HSPG2: variants seen among roughly 807,000 people sequenced by gnomAD.
The protein encoded by HSPG2 is basement membrane-specific heparan sulfate proteoglycan core protein.
Under a neutral mutation model 526.6 loss-of-function variants are expected in HSPG2, and 278 were observed. The observed-to-expected ratio is 0.53, with a 90% confidence interval of 0.48 to 0.58. The LOEUF (loss-of-function observed/expected upper bound fraction) is 0.58, where lower values mean the gene tolerates loss of function less well. HSPG2 is among the 20% of genes least tolerant of loss of function. HSPG2 has a pLI of 0.00. For missense variants in HSPG2, 5,354 were observed against 6,099.5 expected, an observed-to-expected ratio of 0.88 and a Z score of 4.07; for synonymous variants, 2,465 against 2,555.4, an observed-to-expected ratio of 0.96 and a Z score of 1.07.
intron 1 of HSPG2, among the ~76,000 whole-genome samples, chr1:21,915,582 T>C (rs1414800240): frequency 3.3e-5 from 5 of 152,036 alleles, no homozygotes; most frequent in African/African-American, 4.8e-5. Context: ...ACGGTTCCAA[T>C]ATGGGACAGG....
intron 1 of HSPG2, among the ~76,000 whole-genome samples, chr1:21,918,461 T>C (rs1285711267): frequency 2.1e-5 from 3 of 145,500 alleles, no homozygotes; most frequent in African/African-American, 5.2e-5. Context: ...TGAGACTCTG[T>C]GGGAATAAAA....
At position 21,937,179 on chromosome 1, in the gene HSPG2, C is replaced by T. The variant is rs2152809576; in HGVS notation, c.39G>A (p.Leu13=). Residue 13 remains leucine, a synonymous_variant, in exon 1 of 97, where the codon CTG becomes CTA. Coordinates refer to ENST00000374695, the MANE Select transcript of HSPG2 (RefSeq NM_005529.7). The part of the protein sequence containing the change: ...WRAAGALLLA[L]LLHGRLLAVT... ...CCGCCAGCAGCCGCCCGTGCAGCAG[C>T]AGCGCCAGCAGCAGCGCGCCCGCCG... The T allele has an allele frequency of 1.7e-5, 19 of 1,091,308 alleles. No homozygotes were observed. Among genetic ancestry groups the T allele is most frequent in the Non-Finnish European group, 2.1e-5 (19 of 885,502 alleles). 67.6% of individuals were successfully genotyped at this position (1,091,308 alleles called of 1,614,324 possible).
Position 21,842,853 on chromosome 1 carries a change from C to T in HSPG2, c.8827G>A (p.Asp2943Asn). ...TGCCCGGGCACCACACAGTTCAGAT[C>T]CAGAGTCTGCCCTTCAGTCACGTGT... is the stretch of plus-strand genomic sequence containing the variant. The part of the protein sequence containing the change: ...SSHVTEGQTL[D>N]LNCVVPGQAH... Residue 2943 changes from aspartate to asparagine, a missense_variant, in exon 67 of 97, where the codon GAT (aspartate) becomes AAT (asparagine). Transcript: ENST00000374695. The T allele has an allele frequency of 6.2e-7, 1 of 1,614,120 alleles. No individual in the cohort carries two copies. Among genetic ancestry groups the T allele is most frequent in the Non-Finnish European group, 8.5e-7 (1 of 1,180,038 alleles).
At chr1:21,875,081 CTTA>C in intron 25 of HSPG2, 79 bp from the exon 26 acceptor site, 1 of 1,009,656 alleles carries the variant, frequency 9.9e-7, no homozygotes, top group South Asian at 1.4e-5. Flanking sequence ...CTGGCAGGGT[CTTA>C]TTAGTCCTCC....
chr1:21,935,147 C>T (rs9426791), intron 1 of HSPG2, among the ~76,000 whole-genome samples: 1,922 of 152,024 alleles, frequency 0.013, 45 homozygotes, highest in African/African-American at 0.043. Context: ...CCTCGTGATC[C>T]GCCCACCGTG....
chr1:21,904,246 A>G lies in HSPG2; in HGVS notation c.64-7936T>C, dbSNP rs550175574. 6.6e-6 allele frequency among the ~76,000 whole-genome samples: 1 copy of G among 152,140 alleles called. No individual in the cohort carries two copies. ...CTGGGAGGCTGGGGAAGATTTCCAG[A>G]AGAAATGCTAACTCAGCTGGGCCTG... On this transcript the variant is annotated intron_variant, in intron 1 of 96. Transcript: ENST00000374695. The surrounding 1 kb of genome is among the most constrained non-coding windows in gnomAD (Gnocchi z 4.4).
intron 50 of HSPG2, chr1:21,853,460 CTGGCCAGGCGCGG>C: frequency 4.2e-6 from 1 of 238,876 alleles, no homozygotes; most frequent in Non-Finnish European, 8.3e-6. Flanking sequence ...CACACCATGA[CTGGCCAGGCGCGG>C]TGGCTCATGC....
intron 13 of HSPG2, among the ~76,000 whole-genome samples, chr1:21,882,400 T>TACACACACACACACAC (rs56357321): frequency 7.0e-6 from 1 of 142,692 alleles, no homozygotes; most frequent in African/African-American, 2.6e-5. Context: ...CTCTTCTATG[T>TACACACACACACACAC]ACACACACAC....
In HSPG2 at chr1:21,873,421, G is replaced by C; in HGVS notation, c.3747C>G (p.Cys1249Trp). Residue 1249 changes from cysteine to tryptophan, a missense_variant, in exon 30 of 97, where the codon TGC (cysteine) becomes TGG (tryptophan). Transcript: ENST00000374695. ...TGGGGTTGCCATAGTAGCCAGGGGC[G>C]CACCTGCAGAGAGAAAAAGCCTCTG... ...PGHSGRHCER[C>W]APGYYGNPSQ... 6.2e-7 allele frequency: 1 copy of C among 1,614,132 alleles called. No individual in the cohort carries two copies. The highest frequency in any genetic ancestry group is 8.5e-7 in the Non-Finnish European group (1 of 1,180,000).
At position 21,823,203 on chromosome 1, in the gene HSPG2, A is replaced by C; in HGVS notation, c.*113T>G. 1 of 1,049,464 alleles carries C rather than the reference A, an allele frequency of 9.5e-7. No homozygotes were observed. The highest frequency in any genetic ancestry group is 1.3e-6 in the Non-Finnish European group (1 of 769,040). 65.0% of individuals were successfully genotyped at this position (1,049,464 alleles called of 1,614,324 possible). A position where few individuals can be genotyped will look rare whatever the true frequency, so the allele number is the denominator to read the frequency against. On this transcript the variant is annotated 3_prime_UTR_variant, in exon 97 of 97. Transcript: ENST00000374695. ...GTCCAGCCCAGGGCGGTAGCAGCAAAGCGTGGCATCGCCTCGGTTTCTTAC... is the reference window on the plus strand; with the variant it reads ...GTCCAGCCCAGGGCGGTAGCAGCAACGCGTGGCATCGCCTCGGTTTCTTAC...
At position 21,890,985 on chromosome 1, in the gene HSPG2, G is replaced by A. The variant is rs928630271; in HGVS notation, c.245-291C>T. On this transcript the variant is annotated intron_variant, in intron 3 of 96. Transcript: ENST00000374695. This position sits in a 1 kb window ranked among gnomAD's most constrained non-coding sequence, Gnocchi z 4.1. ...ACCCCCACAGTTCAGAGGAAGGCTG[G>A]ACAAGAAGGGGTGGCTCCCAGAGGG... 6.6e-6 allele frequency among the ~76,000 whole-genome samples: 1 copy of A among 152,244 alleles called. No homozygotes were observed. Among genetic ancestry groups the A allele is most frequent in the Non-Finnish European group, 1.5e-5 (1 of 68,042 alleles).
In HSPG2 at chr1:21,865,656, A is replaced by C. The variant is rs1640166584; in HGVS notation, c.4314+61T>G. On this transcript the variant is annotated intron_variant, in intron 34 of 96. Transcript: ENST00000374695. The surrounding 1 kb of genome is among the most constrained non-coding windows in gnomAD (Gnocchi z 5.4). ...TGGAAAGGACAAAGGACAAATGCCG[A>C]GGGTGCCCCTGGCTTCCATCCTGCC... 2.2e-6 allele frequency: 3 copies of C among 1,344,162 alleles called. No homozygotes were observed. Among genetic ancestry groups the C allele is most frequent in the African/African-American group, 2.9e-5 (2 of 69,682 alleles). The allele number at this position is 1,344,162 out of a possible 1,614,324, so 83.3% of individuals were successfully genotyped here.
chr1:21,930,555 C>T (rs1644321137), intron 1 of HSPG2, among the ~76,000 whole-genome samples: 2 of 152,168 alleles, frequency 1.3e-5, no homozygotes, highest in South Asian at 4.1e-4. Context: ...GGGTGGATCA[C>T]TTGAGGTCAG....
At chr1:21,866,755 G>A (rs2152738797) in intron 33 of HSPG2, among the ~76,000 whole-genome samples, 1 of 152,284 alleles carries the variant, frequency 6.6e-6, no homozygotes, top group South Asian at 2.1e-4. Context: ...TCTGCCACCA[G>A]GGCAGACATT....
At chr1:21,879,819 A>G (rs1641362665) in intron 17 of HSPG2, among the ~76,000 whole-genome samples, 1 of 152,078 alleles carries the variant, frequency 6.6e-6, no homozygotes, top group Admixed American at 6.5e-5. Flanking sequence ...CGCCTGGCTA[A>G]TTTTTGTATT....
At position 21,823,219 on chromosome 1, in the gene HSPG2, G is replaced by A. The variant is rs912184337; in HGVS notation, c.*97C>T. On this transcript the variant is annotated 3_prime_UTR_variant, in exon 97 of 97. Transcript: ENST00000374695. ...TAGCAGCAAAGCGTGGCATCGCCTC[G>A]GTTTCTTACAAAAATTCATAATAAT... The A allele has an allele frequency of 1.5e-5, 18 of 1,192,178 alleles. No homozygotes were observed. The highest frequency in any genetic ancestry group is 1.1e-4 in the East Asian group (4 of 36,704). The allele number at this position is 1,192,178 out of a possible 1,614,324, so 73.8% of individuals were successfully genotyped here.
intron 1 of HSPG2, among the ~76,000 whole-genome samples, chr1:21,922,110 A>C (rs962980001): frequency 6.6e-6 from 1 of 152,194 alleles, no homozygotes; most frequent in Admixed American, 6.5e-5. Context: ...TCACAAAATA[A>C]TAGTTCCCGT....
At chr1:21,915,692 C>T (rs542034266) in intron 1 of HSPG2, among the ~76,000 whole-genome samples, 3 of 152,294 alleles carry the variant, frequency 2.0e-5, no homozygotes, top group South Asian at 2.1e-4. Flanking sequence ...GGAAATGTTG[C>T]GTGCCTGCAC....
At chr1:21,830,243 A>G in intron 85 of HSPG2, 152 bp from the exon 86 acceptor site, 1 of 664,364 alleles carries the variant, frequency 1.5e-6, no homozygotes. Flanking sequence ...GGAACTGAGC[A>G]GAGCAAGGCG....
Sources: allele counts gnomAD v4.1 joint callset (sites outside exome capture counted in the v4.1 genomes callset), GRCh38; gene constraint gnomAD v4.1.1; non-coding constraint Gnocchi (gnomAD v3.1); transcripts MANE v1.5; gene names NCBI Gene and HGNC (gene_info 2026-07-23, HGNC 2026-07-21).